The following PAX2 variants were observed in gnomAD, a reference collection of about 807,000 sequenced individuals.
The protein encoded by PAX2 is paired box 2.
Under a neutral mutation model 41.7 loss-of-function variants are expected in PAX2, and 9 were observed. That is an observed-to-expected ratio of 0.22 (90% CI 0.13 to 0.38). The LOEUF (loss-of-function observed/expected upper bound fraction) is 0.38. Ranked by LOEUF, PAX2 falls within the 10% of genes least tolerant of loss-of-function variation. The probability of loss-of-function intolerance (pLI) is 1.00; values close to 1 mark genes in which losing one functional copy is unlikely to be tolerated. For missense variants in PAX2, 418 were observed against 531.6 expected, an observed-to-expected ratio of 0.79 and a Z score of 2.10; for synonymous variants, 221 against 212.7, an observed-to-expected ratio of 1.04 and a Z score of -0.34.
At chr10:100,742,416 A>C (rs10748797), upstream of PAX2, among the ~76,000 whole-genome samples, 120,879 of 151,492 alleles carry the variant, frequency 0.8, 48,450 homozygotes, top group East Asian at 1. Context: ...CCCAGCCAGA[A>C]AACCAGGCCG....
chr10:100,788,876 CG>C, intron 5 of PAX2, among the ~76,000 whole-genome samples: 1 of 152,120 alleles, frequency 6.6e-6, no homozygotes, highest in South Asian at 2.1e-4. Flanking sequence ...ACACCCCCCC[CG>C]ACACACATAC....
chr10:100,821,211 G>A (rs1247543424), intron 7 of PAX2, among the ~76,000 whole-genome samples: 1 of 152,230 alleles, frequency 6.6e-6, no homozygotes, highest in Admixed American at 6.5e-5. Flanking sequence ...TGGTGTTCCA[G>A]AAGAATATAT....
At chr10:100,816,338 C>T (rs558486243) in intron 7 of PAX2, among the ~76,000 whole-genome samples, 1 of 152,226 alleles carries the variant, frequency 6.6e-6, no homozygotes, top group Non-Finnish European at 1.5e-5. Flanking sequence ...CATTTAGATA[C>T]TTGATGTGTC....
chr10:100,806,381 GC>G, intron 5 of PAX2, 48 bp from the exon 6 acceptor site: 1 of 1,597,332 alleles, frequency 6.3e-7, no homozygotes. Flanking sequence ...CTGTTCCTGT[GC>G]CTCTGCTGGC....
At chr10:100,736,533 G>C (rs544510932) in intron 1 of PAX2, among the ~76,000 whole-genome samples, 1 of 152,082 alleles carries the variant, frequency 6.6e-6, no homozygotes, top group Non-Finnish European at 1.5e-5. Flanking sequence ...AGAGGTCAAG[G>C]CCTAATTTGA....
At position 100,827,951 on chromosome 10, in the gene PAX2, C is replaced by T; in HGVS notation, c.*332C>T. 1 of 324,020 alleles carries T rather than the reference C, an allele frequency of 3.1e-6. No homozygotes were observed. The highest frequency in any genetic ancestry group is 8.0e-5 in the South Asian group (1 of 12,548). 20.1% of individuals were successfully genotyped at this position (324,020 alleles called of 1,614,324 possible). A position where few individuals can be genotyped will look rare whatever the true frequency, so the allele number is the denominator to read the frequency against. On this transcript the variant is annotated 3_prime_UTR_variant, in exon 10 of 10. Coordinates refer to ENST00000355243, the MANE Select transcript of PAX2 (RefSeq NM_000278.5). The surrounding 1 kb of genome is among the most constrained non-coding windows in gnomAD (Gnocchi z 8.5). ...GGCCTCCACCAAGCCAGCCCCGAAG[C>T]CCGCCAGCCACCCTGCCGGACTCGG...
rs974213482 is a variant in PAX2 at position 100,828,589 on chromosome 10, T to G, written c.*970T>G. 5 of 233,090 alleles carry G rather than the reference T, an allele frequency of 2.1e-5. No homozygotes were observed. The highest frequency in any genetic ancestry group is 1.8e-4 in the South Asian group (1 of 5,532). The allele number at this position is 233,090 out of a possible 1,614,324, so 14.4% of individuals were successfully genotyped here. On this transcript the variant is annotated 3_prime_UTR_variant, in exon 10 of 10. Transcript: ENST00000355243. This position sits in a 1 kb window ranked among gnomAD's most constrained non-coding sequence, Gnocchi z 6.5. ...CGCCGCAGGACCAGTTTCCATAGAC[T>G]GCGGACTGGGGTCTTCCTCCAGCAG...
rs144444883 is a variant in PAX2, at chr10:100,781,285, A to G, written c.536A>G (p.Asn179Ser). The G allele has an allele frequency of 1.8e-5, 29 of 1,613,398 alleles. No homozygotes were observed. Among genetic ancestry groups the G allele is most frequent in the South Asian group, 2.2e-5 (2 of 91,058 alleles). ...TASPPVSSASNDPVGSYSING... is the reference protein window; with the variant it reads ...TASPPVSSASSDPVGSYSING... Reference sequence around the variant, plus strand: ...TCCCCTCCTGTTTCCAGCGCCTCCAATGACCCAGTGGGATCCTACTCCATC... The same window carrying G: ...TCCCCTCCTGTTTCCAGCGCCTCCAGTGACCCAGTGGGATCCTACTCCATC... The change falls in exon 5 of 10, where the codon AAT becomes AGT. Residue 179 changes from asparagine to serine, a missense_variant. Transcript: ENST00000355243.
intron 5 of PAX2, among the ~76,000 whole-genome samples, chr10:100,784,154 A>T (rs1269242488): frequency 6.6e-6 from 1 of 152,212 alleles, no homozygotes; most frequent in African/African-American, 2.4e-5. Flanking sequence ...GGAGCAGCTC[A>T]GATGATTAAG....
At position 100,824,669 on chromosome 10, in the gene PAX2, C is replaced by T. The variant is rs753661475; in HGVS notation, c.941C>T (p.Thr314Ile). 1 of 1,609,960 alleles carries T rather than the reference C, an allele frequency of 6.2e-7. No individual in the cohort carries two copies. Among genetic ancestry groups the T allele is most frequent in the Admixed American group, 1.7e-5 (1 of 60,024 alleles). The change falls in exon 8 of 10, where the codon ACT (threonine) becomes ATT (isoleucine). Residue 314 changes from threonine (T) to isoleucine (I), a missense_variant. Thr to Ile is a moderately conservative substitution (Grantham distance 89, BLOSUM62 -1). Coordinates refer to ENST00000355243, the MANE Select transcript of PAX2 (RefSeq NM_000278.5). This position sits in a 1 kb window ranked among gnomAD's most constrained non-coding sequence, Gnocchi z 6.6. ...VVTGRDMAST[T>I]LPGYPPHVPP... ...CCAGGTCGTGACATGGCGAGCACCACTCTGCCTGGTTACCCCCCTCACGTG... is the reference window on the plus strand; with the variant it reads ...CCAGGTCGTGACATGGCGAGCACCATTCTGCCTGGTTACCCCCCTCACGTG...
intron 5 of PAX2, among the ~76,000 whole-genome samples, chr10:100,782,239 A>C (rs766195326): frequency 1.3e-5 from 2 of 152,018 alleles, no homozygotes; most frequent in African/African-American, 2.4e-5. Flanking sequence ...TTTTAAAGAC[A>C]TCTCCCAGGA....
chr10:100,796,309 A>T (rs1018397433), intron 5 of PAX2, among the ~76,000 whole-genome samples: 2 of 152,212 alleles, frequency 1.3e-5, no homozygotes, highest in South Asian at 4.1e-4. Context: ...CCATATAAAC[A>T]GCTTCATGTC....
intron 7 of PAX2, among the ~76,000 whole-genome samples, chr10:100,812,428 TG>T (rs1437338012): frequency 6.6e-6 from 1 of 152,162 alleles, no homozygotes; most frequent in East Asian, 1.9e-4. Context: ...CATGAGAGAA[TG>T]GGTCACGGGC....
rs569936329 is a variant in PAX2 at position 100,787,826 on chromosome 10, G to A, written c.616+6461G>A. On this transcript the variant is annotated intron_variant, in intron 5 of 9. Transcript: ENST00000355243. ...GTGTGAGGAGCGAGGAAATGGGGGA[G>A]CCACTGGACTATGGGGGAAGGAAGC... Among the ~76,000 whole-genome samples the A allele has an allele frequency of 7.2e-5, 11 of 152,182 alleles. No individual in the cohort carries two copies. In the South Asian group the frequency reaches 2.3e-3, roughly 32 times the overall value.
In PAX2 at chr10:100,828,245, G is replaced by T; in HGVS notation, c.*626G>T. On this transcript the variant is annotated 3_prime_UTR_variant, in exon 10 of 10. Transcript: ENST00000355243. The surrounding 1 kb of genome is among the most constrained non-coding windows in gnomAD (Gnocchi z 6.5). ...CTGTCCCAGAAGATGGAATGGGGGT[G>T]TGGGGGTCCGGCTCTAGGAACGGGC... 1 of 233,030 alleles carries T rather than the reference G, an allele frequency of 4.3e-6. No individual in the cohort carries two copies. The highest frequency in any genetic ancestry group is 8.5e-6 in the Non-Finnish European group (1 of 117,952). 14.4% of individuals were successfully genotyped at this position (233,030 alleles called of 1,614,324 possible).
chr10:100,750,694 G>A lies in PAX2; in HGVS notation c.213G>A (p.Arg71=), dbSNP rs756445378. The change falls in exon 3 of 10, where the codon AGG becomes AGA. Residue 71 remains arginine (R), a splice_region_variant and synonymous_variant. Transcript: ENST00000355243. This position sits in a 1 kb window ranked among gnomAD's most constrained non-coding sequence, Gnocchi z 4.1. ...GACCCCGCCGGCTTTCCCGGCGCAG[G>A]TACTACGAGACCGGCAGCATCAAGC... ...SHGCVSKILG[R]YYETGSIKPG... 8.7e-6 allele frequency: 14 copies of A among 1,614,010 alleles called. No homozygotes were observed. Among genetic ancestry groups the A allele is most frequent in the Non-Finnish European group, 1.2e-5 (14 of 1,179,964 alleles).
At chr10:100,758,432 G>A (rs1366973959) in intron 3 of PAX2, among the ~76,000 whole-genome samples, 2 of 152,316 alleles carry the variant, frequency 1.3e-5, no homozygotes, top group East Asian at 1.9e-4. Context: ...GAGCCACCGC[G>A]CCCGGCCGTC....
chr10:100,745,187 C>G (rs1404944634), upstream of PAX2, among the ~76,000 whole-genome samples: 4 of 152,224 alleles, frequency 2.6e-5, no homozygotes, highest in South Asian at 8.3e-4. Context: ...CCGAGGCCCT[C>G]TGTCGTTACC....
intron 1 of PAX2, among the ~76,000 whole-genome samples, chr10:100,736,361 C>CT (rs1844776344): frequency 6.6e-6 from 1 of 152,160 alleles, no homozygotes; most frequent in African/African-American, 2.4e-5. Flanking sequence ...CTTTTTCTTC[C>CT]TTCCTTCGCT....
Sources: allele counts gnomAD v4.1 joint callset (sites outside exome capture counted in the v4.1 genomes callset), GRCh38; gene constraint gnomAD v4.1.1; non-coding constraint Gnocchi (gnomAD v3.1); transcripts MANE v1.5; gene names NCBI Gene and HGNC (gene_info 2026-07-23, HGNC 2026-07-21).